Variants in PRKG1 observed in about 807,000 individuals in gnomAD.
PRKG1 encodes protein kinase cGMP-dependent 1.
A neutral mutation model predicts 88.1 loss-of-function variants in PRKG1; 35 were observed. The ratio of observed to expected loss-of-function variants is 0.40; its 90% CI spans 0.30 to 0.53. The LOEUF is 0.53. PRKG1 is among the 20% of genes least tolerant of loss of function. The pLI, the probability that PRKG1 is intolerant of heterozygous loss-of-function variation, is 0.59. For synonymous variants in PRKG1, 303 were observed against 292.5 expected (o/e 1.04, Z -0.37); for missense variants, 540 against 839.8 (o/e 0.64, Z 4.41).
At chr10:51,304,228 G>A (rs1045520054) in intron 2 of PRKG1, among the ~76,000 whole-genome samples, 2 of 151,904 alleles carry the variant, frequency 1.3e-5, no homozygotes, top group Non-Finnish European at 2.9e-5. Flanking sequence ...ATAAATCAGT[G>A]TAAGCACTTG....
chr10:51,181,218 T>C (rs1016152730), intron 2 of PRKG1, among the ~76,000 whole-genome samples: 6 of 143,442 alleles, frequency 4.2e-5, no homozygotes, highest in African/African-American at 1.6e-4. Context: ...AAGATTATTA[T>C]ATAGAATTTT....
chr10:51,212,609 C>A (rs993388240), intron 2 of PRKG1, among the ~76,000 whole-genome samples: 2 of 152,146 alleles, frequency 1.3e-5, no homozygotes, highest in Non-Finnish European at 1.5e-5. Context: ...TGAACCCCAA[C>A]AAATTTACAA....
intron 4 of PRKG1, among the ~76,000 whole-genome samples, chr10:51,868,060 T>G (rs180776012): frequency 1.6e-3 from 239 of 152,234 alleles, no homozygotes; most frequent in Middle Eastern, 0.014. Context: ...TAGGTAATGT[T>G]GTGGAAGGAA....
chr10:51,410,136 G>T (rs1045842025), intron 2 of PRKG1, among the ~76,000 whole-genome samples: 1 of 151,358 alleles, frequency 6.6e-6, no homozygotes, highest in African/African-American at 2.4e-5. Flanking sequence ...TGTTAGTCAG[G>T]GTTCTCTAGA....
At chr10:51,671,582 C>T (rs12254777) in intron 3 of PRKG1, among the ~76,000 whole-genome samples, 2 of 149,898 alleles carry the variant, frequency 1.3e-5, no homozygotes. Context: ...TTCTCTCTCT[C>T]TCTCTCTCTT....
chr10:51,535,447 C>T (rs537387316), intron 3 of PRKG1, among the ~76,000 whole-genome samples: 1 of 152,208 alleles, frequency 6.6e-6, no homozygotes, highest in African/African-American at 2.4e-5. Context: ...AAAAAGAAGA[C>T]AGGAAGTAAA....
At position 51,748,887 on chromosome 10, in the gene PRKG1, C is replaced by T. The variant is rs574249397; in HGVS notation, c.593-55698C>T. Among the ~76,000 whole-genome samples, 14 of 152,222 alleles carry T rather than the reference C, an allele frequency of 9.2e-5. 1 individual carries two copies. The South Asian group carries it at 2.3e-3, about 25-fold the overall frequency. ...TTCCATTACTCTTTGTGAACATTCT[C>T]GTAAGTTTATAGTTCACTATTTCAG... is the stretch of plus-strand genomic sequence containing the variant. On this transcript the variant is annotated intron_variant, in intron 3 of 17. Coordinates refer to ENST00000373980, the MANE Select transcript of PRKG1 (RefSeq NM_006258.4).
At chr10:51,138,997 G>T (rs1002179772) in intron 1 of PRKG1, among the ~76,000 whole-genome samples, 1 of 151,970 alleles carries the variant, frequency 6.6e-6, no homozygotes, top group Non-Finnish European at 1.5e-5. Context: ...TTTTGAACAG[G>T]TGATGAGACC....
intron 4 of PRKG1, among the ~76,000 whole-genome samples, chr10:51,849,804 A>T (rs2132801446): frequency 6.6e-6 from 1 of 152,318 alleles, no homozygotes; most frequent in Non-Finnish European, 1.5e-5. Flanking sequence ...CTAACTTTCA[A>T]ACTTATCACA....
intron 2 of PRKG1, among the ~76,000 whole-genome samples, chr10:51,263,125 T>C (rs1046984501): frequency 3.3e-5 from 5 of 152,218 alleles, no homozygotes; most frequent in African/African-American, 1.2e-4. Context: ...TTTATAGGAT[T>C]GGGGCTTCCA....
intron 3 of PRKG1, chr10:51,698,256 C>T (rs1841358013): frequency 2.5e-6 from 4 of 1,614,002 alleles, no homozygotes; most frequent in Non-Finnish European, 3.4e-6. Context: ...CTCTCCATTA[C>T]ACGTGTCTCT....
At chr10:52,225,138 A>C (rs1840360481) in intron 9 of PRKG1, among the ~76,000 whole-genome samples, 1 of 151,986 alleles carries the variant, frequency 6.6e-6, no homozygotes, top group Non-Finnish European at 1.5e-5. Context: ...ATCCATGCCA[A>C]CATCTACTGT....
chr10:52,162,171 G>T (rs1223622853), intron 9 of PRKG1, among the ~76,000 whole-genome samples: 1 of 152,036 alleles, frequency 6.6e-6, no homozygotes, highest in African/African-American at 2.4e-5. Flanking sequence ...CTTCAATTTT[G>T]TGATGAAGAT....
intron 1 of PRKG1, among the ~76,000 whole-genome samples, chr10:51,129,294 G>A (rs1219340597): frequency 6.6e-6 from 1 of 151,834 alleles, no homozygotes; most frequent in Non-Finnish European, 1.5e-5. Context: ...TGGCCAACAT[G>A]ACAAAGCCCC....
chr10:51,524,329 T>A (rs546632223), intron 3 of PRKG1, among the ~76,000 whole-genome samples: 1 of 152,320 alleles, frequency 6.6e-6, no homozygotes, highest in East Asian at 1.9e-4. Context: ...AATGGTGATT[T>A]AAGCCAGGGG....
intron 1 of PRKG1, among the ~76,000 whole-genome samples, chr10:51,128,858 G>A (rs1589176109): frequency 3.3e-5 from 5 of 152,230 alleles, no homozygotes; most frequent in South Asian, 2.1e-4. Context: ...AATAACCATC[G>A]ATTTGGCAAC....
At chr10:52,155,453 T>A (rs12572940) in intron 8 of PRKG1, among the ~76,000 whole-genome samples, 2,875 of 152,140 alleles carry the variant, frequency 0.019, 64 homozygotes, top group East Asian at 0.059. Flanking sequence ...AGTTTAGTCA[T>A]TTCATATTGG....
intron 3 of PRKG1, among the ~76,000 whole-genome samples, chr10:51,773,219 T>C (rs1010068771): frequency 6.6e-6 from 1 of 152,082 alleles, no homozygotes; most frequent in Non-Finnish European, 1.5e-5. Context: ...TTCTCCAACA[T>C]TTTTTCTCAG....
chr10:51,400,129 C>T (rs1206972566), intron 2 of PRKG1, among the ~76,000 whole-genome samples: 1 of 152,022 alleles, frequency 6.6e-6, no homozygotes, highest in Non-Finnish European at 1.5e-5. Context: ...TTTTTGAGTA[C>T]CTACTATATA....
Sources: allele counts gnomAD v4.1 joint callset (sites outside exome capture counted in the v4.1 genomes callset), GRCh38; gene constraint gnomAD v4.1.1; transcripts MANE v1.5; gene names NCBI Gene and HGNC (gene_info 2026-07-23, HGNC 2026-07-21).